The following TMEM132D variants were observed in gnomAD, a reference collection of about 807,000 sequenced individuals.
TMEM132D encodes the protein mature OL transmembrane protein.
A neutral mutation model predicts 62.3 loss-of-function variants in TMEM132D; 21 were observed. That is an observed-to-expected ratio of 0.34 (90% confidence interval 0.24 to 0.49). The LOEUF is 0.49. Ranked by LOEUF, TMEM132D falls within the 20% of genes least tolerant of loss-of-function variation. TMEM132D has a pLI of 0.99. For missense variants in TMEM132D, 1,346 were observed against 1,402.8 expected, an observed-to-expected ratio of 0.96 and a Z score of 0.65; for synonymous variants, 621 against 575.6, an observed-to-expected ratio of 1.08 and a Z score of -1.13.
intron 5 of TMEM132D, among the ~76,000 whole-genome samples, chr12:129,167,164 AAAAAAAC>A (rs1200421846): frequency 0.028 from 3,099 of 110,778 alleles, 52 homozygotes; most frequent in Non-Finnish European, 0.037. Context: ...TGTTTAAAAA[AAAAAAAC>A]AAAAAAAAAA....
intron 2 of TMEM132D, among the ~76,000 whole-genome samples, chr12:129,639,589 C>CATTT (rs1296009936): frequency 1.3e-5 from 2 of 152,012 alleles, no homozygotes; most frequent in Non-Finnish European, 2.9e-5. Flanking sequence ...CTGTGGCCAG[C>CATTT]ATTTGCACCT....
chr12:129,306,789 T>C (rs1381801904), intron 4 of TMEM132D, among the ~76,000 whole-genome samples: 1 of 152,154 alleles, frequency 6.6e-6, no homozygotes, highest in African/African-American at 2.4e-5. Context: ...ATTTAGGAAA[T>C]GCTGACTTAG....
At chr12:129,756,485 A>C (rs954364480) in intron 1 of TMEM132D, among the ~76,000 whole-genome samples, 17 of 152,200 alleles carry the variant, frequency 1.1e-4, no homozygotes, top group African/African-American at 3.9e-4. Flanking sequence ...AAATTTATGC[A>C]GACAGAAAGT....
At chr12:129,722,213 T>C (rs1327055875) in intron 1 of TMEM132D, among the ~76,000 whole-genome samples, 1 of 152,216 alleles carries the variant, frequency 6.6e-6, no homozygotes, top group Admixed American at 6.5e-5. Context: ...TGAGAAACTG[T>C]GGGCTCCTGA....
At chr12:129,528,316 A>C (rs1876112530) in intron 3 of TMEM132D, among the ~76,000 whole-genome samples, 1 of 152,222 alleles carries the variant, frequency 6.6e-6, no homozygotes, top group Admixed American at 6.5e-5. Context: ...GCAGAAGTAA[A>C]ATGAAAAGTT....
At chr12:129,408,588 A>T (rs1313964059) in intron 3 of TMEM132D, among the ~76,000 whole-genome samples, 1 of 152,072 alleles carries the variant, frequency 6.6e-6, no homozygotes, top group African/African-American at 2.4e-5. Context: ...AAATTTTTAC[A>T]CAAGGCAATT....
rs1881560464 is a variant in TMEM132D, at chr12:129,295,824, C to G, written c.1299+41810G>C. ...TCTAGATTACTTATAATACCTAATA[C>G]AATGTAAATGCTATATCAATACTTG... On this transcript the variant is annotated intron_variant, in intron 4 of 8. Coordinates refer to ENST00000422113, the MANE Select transcript of TMEM132D (RefSeq NM_133448.3). Among the ~76,000 whole-genome samples the G allele has an allele frequency of 2.0e-5, 3 of 152,094 alleles. No individual in the cohort carries two copies. In the South Asian group the frequency reaches 6.2e-4, roughly 32 times the overall value.
At chr12:129,458,243 CAACAACAAT>C (rs941677296) in intron 3 of TMEM132D, among the ~76,000 whole-genome samples, 3 of 152,134 alleles carry the variant, frequency 2.0e-5, no homozygotes, top group African/African-American at 7.2e-5. Context: ...TTCTTGACTG[CAACAACAAT>C]AAAAGGAGCA....
intron 3 of TMEM132D, among the ~76,000 whole-genome samples, chr12:129,444,611 C>A (rs965583258): frequency 6.6e-6 from 1 of 152,162 alleles, no homozygotes; most frequent in Non-Finnish European, 1.5e-5. Flanking sequence ...TGCTCTCCCC[C>A]TCCCCACCCT....
rs1169297233 is a variant in TMEM132D at position 129,420,314 on chromosome 12, T to TTTG, written c.1116-82498_1116-82497insCAA. 1.0e-3 allele frequency among the ~76,000 whole-genome samples: 55 copies of TTTG among 55,220 alleles called. 1 individual carries two copies. Among genetic ancestry groups the TTTG allele is most frequent in the African/African-American group, 2.8e-3 (49 of 17,588 alleles). The allele number at this position is 55,220 out of a possible 152,430, so 36.2% of individuals were successfully genotyped here. A position where few individuals can be genotyped will look rare whatever the true frequency, so the allele number is the denominator to read the frequency against. On this transcript the variant is annotated intron_variant, in intron 3 of 8. Transcript: ENST00000422113. The stretch of plus-strand genomic sequence containing the variant: ...ATTATTGCACGTTCTCTGTTTTTTT[T>TTTG]TTTTTTTTTTTTTTTTGCAGTATCT...
chr12:129,319,752 C>G (rs2135642072), intron 4 of TMEM132D, among the ~76,000 whole-genome samples: 1 of 152,250 alleles, frequency 6.6e-6, no homozygotes, highest in Non-Finnish European at 1.5e-5. Flanking sequence ...TCCCAGAACC[C>G]TTGGTATTCC....
At chr12:129,455,841 G>C (rs1326143245) in intron 3 of TMEM132D, among the ~76,000 whole-genome samples, 1 of 152,232 alleles carries the variant, frequency 6.6e-6, no homozygotes, top group Middle Eastern at 3.2e-3. Flanking sequence ...AGGTTAAACT[G>C]TGTCCTCTGG....
intron 2 of TMEM132D, among the ~76,000 whole-genome samples, chr12:129,603,674 T>G (rs1878541007): frequency 6.6e-6 from 1 of 152,140 alleles, no homozygotes; most frequent in Non-Finnish European, 1.5e-5. Context: ...AAACAACAGG[T>G]GCTGGAGAGG....
intron 5 of TMEM132D, chr12:129,086,115 C>T (rs1417746628): frequency 6.6e-6 from 1 of 152,138 alleles, no homozygotes; most frequent in Non-Finnish European, 1.5e-5. Context: ...TGTACATCTA[C>T]AACATGATGT....
At chr12:129,467,260 T>C (rs1160214186) in intron 3 of TMEM132D, among the ~76,000 whole-genome samples, 1 of 152,162 alleles carries the variant, frequency 6.6e-6, no homozygotes, top group Non-Finnish European at 1.5e-5. Flanking sequence ...CATGGTTGAA[T>C]CCAGGATTGA....
intron 5 of TMEM132D, among the ~76,000 whole-genome samples, chr12:129,196,447 T>C (rs1795372652): frequency 6.6e-6 from 1 of 152,162 alleles, no homozygotes; most frequent in African/African-American, 2.4e-5. Context: ...ATAAATTCTA[T>C]GTAAGTGGGG....
intron 4 of TMEM132D, among the ~76,000 whole-genome samples, chr12:129,332,067 G>T (rs954982992): frequency 9.9e-5 from 15 of 152,114 alleles, no homozygotes; most frequent in Non-Finnish European, 2.1e-4. Flanking sequence ...AAAATTAGCT[G>T]GGCTAATATC....
At chr12:129,472,574 G>A (rs981804324) in intron 3 of TMEM132D, among the ~76,000 whole-genome samples, 5 of 152,092 alleles carry the variant, frequency 3.3e-5, no homozygotes, top group African/African-American at 7.2e-5. Flanking sequence ...TGTTCAGCAC[G>A]TGTATCCCGG....
chr12:129,233,283 A>G (rs4391872), intron 4 of TMEM132D, among the ~76,000 whole-genome samples: 74,269 of 152,050 alleles, frequency 0.49, 19,336 homozygotes, highest in South Asian at 0.64. Context: ...ATCTGCACGC[A>G]ACAGTTCTTG....
Sources: gnomAD v4.1 joint callset for allele counts (sites outside exome capture counted in the v4.1 genomes callset) on GRCh38, gnomAD v4.1.1 for gene constraint, MANE v1.5 for transcripts, NCBI Gene and HGNC (gene_info 2026-07-23, HGNC 2026-07-21) for gene names.